The following UPF2 variants were observed in gnomAD, a reference collection of about 807,000 sequenced individuals.
The protein encoded by UPF2 is UPF2 regulator of nonsense mediated mRNA decay.
Under a neutral mutation model 141.4 loss-of-function variants are expected in UPF2, and 17 were observed. That is an observed-to-expected ratio of 0.12 (90% CI 0.08 to 0.18). UPF2 has a LOEUF of 0.18. Among genes scored for constraint, UPF2 ranks in the 10% least tolerant of loss-of-function variants. UPF2 has a pLI of 1.00. For synonymous variants in UPF2, 540 were observed against 498.0 expected (o/e 1.08, Z -1.12); for missense variants, 1,152 against 1,515.9 (o/e 0.76, Z 3.99).
intron 8 of UPF2, among the ~76,000 whole-genome samples, chr10:11,993,126 G>A (rs1306475315): frequency 7.2e-6 from 1 of 139,804 alleles, no homozygotes; most frequent in Admixed American, 7.8e-5. Flanking sequence ...CTCCAGCTTG[G>A]GTGACAGAGT....
At chr10:11,967,546 G>GTTTTTTTTT in intron 9 of UPF2, 92 bp from the exon 10 acceptor site, 6 of 242,716 alleles carry the variant, frequency 2.5e-5, no homozygotes, top group Non-Finnish European at 4.3e-5. Context: ...ATTCACTCCA[G>GTTTTTTTTT]TTTTTTTTTT....
chr10:11,956,349 C>T lies in UPF2; in HGVS notation c.2545G>A (p.Val849Met). 1.9e-6 allele frequency: 3 copies of T among 1,614,142 alleles called. No homozygotes were observed. The highest frequency in any genetic ancestry group is 2.5e-6 in the Non-Finnish European group (3 of 1,180,012). ...ATTCCTAATCGAATATCTTCTAACA[C>T]TCCATCCACAACGTGGATCCCAACA... ...EDVGIHVVDG[V>M]LEDIRLGMEV... is the part of the protein sequence containing the mutation. The change falls in exon 13 of 22, where the codon GTG becomes ATG. Residue 849 changes from valine (V) to methionine (M), a missense_variant. Val to Met is a conservative substitution (Grantham distance 21). Around this residue, in one of 4 missense-constraint regions of UPF2, gnomAD observed 739 missense variants for 1,032.2 expected, o/e 0.72. Coordinates refer to ENST00000357604, the MANE Select transcript of UPF2 (RefSeq NM_015542.4). This position sits in a 1 kb window ranked among gnomAD's most constrained non-coding sequence, Gnocchi z 4.2.
At chr10:11,982,864 C>T (rs1219349467) in intron 8 of UPF2, among the ~76,000 whole-genome samples, 1 of 151,652 alleles carries the variant, frequency 6.6e-6, no homozygotes, top group Non-Finnish European at 1.5e-5. Context: ...AGGCGATCCA[C>T]CCCCCTCAGC....
chr10:12,013,065 C>A (rs769472360), intron 4 of UPF2, among the ~76,000 whole-genome samples: 1 of 149,580 alleles, frequency 6.7e-6, no homozygotes, highest in African/African-American at 2.5e-5. Context: ...GCAGAGGCTG[C>A]AGTGAGCCGA....
At chr10:12,020,811 C>T (rs1834304451) in intron 3 of UPF2, among the ~76,000 whole-genome samples, 1 of 152,188 alleles carries the variant, frequency 6.6e-6, no homozygotes. Flanking sequence ...GCAGAATGTG[C>T]AAATGACAGT....
At chr10:12,025,135 T>G (rs1048643145) in intron 3 of UPF2, among the ~76,000 whole-genome samples, 3 of 152,124 alleles carry the variant, frequency 2.0e-5, no homozygotes, top group Non-Finnish European at 2.9e-5. Flanking sequence ...GCTGCTCAAG[T>G]TGAAGCTATC....
intron 2 of UPF2, among the ~76,000 whole-genome samples, chr10:12,031,298 T>C (rs1306514079): frequency 1.3e-5 from 2 of 152,034 alleles, no homozygotes; most frequent in East Asian, 1.9e-4. Flanking sequence ...TCAAGTGATT[T>C]AGAAAATTTG....
intron 3 of UPF2, among the ~76,000 whole-genome samples, chr10:12,023,864 T>C (rs1324937132): frequency 6.6e-6 from 1 of 151,480 alleles, no homozygotes; most frequent in Non-Finnish European, 1.5e-5. Context: ...TGGTGGCACG[T>C]GCCTATGGTC....
chr10:12,039,649 T>C (rs1362753202), intron 1 of UPF2, among the ~76,000 whole-genome samples: 1 of 146,148 alleles, frequency 6.8e-6, no homozygotes, highest in African/African-American at 2.6e-5. Context: ...TGAGATGGAG[T>C]CTCACTCTGT....
chr10:11,937,250 A>G (rs1056740877), intron 18 of UPF2, among the ~76,000 whole-genome samples: 2 of 152,252 alleles, frequency 1.3e-5, no homozygotes, highest in African/African-American at 4.8e-5. Flanking sequence ...TTTCCAACCA[A>G]TTAATTAAAT....
chr10:12,001,739 T>C lies in UPF2; in HGVS notation c.1591A>G (p.Thr531Ala), dbSNP rs1420578769. The change falls in exon 6 of 22, where the codon ACC (threonine) becomes GCC (alanine). Residue 531 changes from threonine (T) to alanine (A), a missense_variant. Thr to Ala is a moderately conservative substitution (Grantham distance 58). This residue lies in a region of UPF2 where 739 missense variants were observed against 1,032.2 expected (regional missense o/e 0.72). Transcript: ENST00000357604. ...TCATCTCCACCCTCTAATTCTAAGG[T>C]GTCATCATTAATTTCTAGATTCTCC... The part of the protein sequence containing the change: ...ELENLEINDD[T>A]LELEGGDEAE... 2 of 1,613,378 alleles carry C rather than the reference T, an allele frequency of 1.2e-6. No individual in the cohort carries two copies.
chr10:11,938,853 G>GTTTTTTTGTTTTTTTGTTTTTTT (rs1832890068), intron 18 of UPF2, among the ~76,000 whole-genome samples: 1 of 79,816 alleles, frequency 1.3e-5, no homozygotes, highest in African/African-American at 5.0e-5. Context: ...TTTTTTTTTT[G>GTTTTTTTGTTTTTTTGTTTTTTT]TTTTTTTTTT....
intron 18 of UPF2, among the ~76,000 whole-genome samples, chr10:11,937,807 A>G (rs1183706086): frequency 6.6e-6 from 1 of 152,160 alleles, no homozygotes; most frequent in Non-Finnish European, 1.5e-5. Context: ...ATCCTGTTTT[A>G]TTGTTTCTTT....
At chr10:11,973,773 T>G (rs1220439438) in intron 9 of UPF2, among the ~76,000 whole-genome samples, 1 of 152,192 alleles carries the variant, frequency 6.6e-6, no homozygotes, top group African/African-American at 2.4e-5. Context: ...TACCATGCTG[T>G]TTTGGTTACT....
chr10:11,933,861 G>C (rs1030518310), intron 19 of UPF2, among the ~76,000 whole-genome samples: 1 of 152,218 alleles, frequency 6.6e-6, no homozygotes, highest in Non-Finnish European at 1.5e-5. Flanking sequence ...TTCAAAAAGA[G>C]ATATTCCTAA....
In UPF2 at chr10:11,955,928, G is replaced by A. The variant is rs569804745; in HGVS notation, c.2574+392C>T. Among the ~76,000 whole-genome samples the A allele has an allele frequency of 9.9e-5, 15 of 152,208 alleles. No homozygotes were observed. The East Asian group carries it at 1.4e-3, about 14-fold the overall frequency. The stretch of plus-strand genomic sequence containing the variant: ...GAGGCCAAGACAGGTGATCACCTAC[G>A]GTCAGGAGTTTGAGACCAGCCTGGC... On this transcript the variant is annotated intron_variant, in intron 13 of 21. Transcript: ENST00000357604.
At chr10:11,981,658 CA>C (rs1222121374) in intron 8 of UPF2, among the ~76,000 whole-genome samples, 1 of 147,254 alleles carries the variant, frequency 6.8e-6, no homozygotes, top group Admixed American at 7.0e-5. Context: ...AAAGATATTA[CA>C]AAAATAAGGT....
chr10:11,986,217 C>T (rs1833689898), intron 8 of UPF2, among the ~76,000 whole-genome samples: 1 of 152,100 alleles, frequency 6.6e-6, no homozygotes, highest in Non-Finnish European at 1.5e-5. Flanking sequence ...ATTCTATAAT[C>T]TCATAAGATG....
intron 9 of UPF2, among the ~76,000 whole-genome samples, chr10:11,975,752 G>A (rs889900668): frequency 5.9e-5 from 9 of 151,448 alleles, no homozygotes; most frequent in East Asian, 1.9e-4. Context: ...CCCAACCTCC[G>A]GTAATCCACC....
Sources: gnomAD v4.1 joint callset for allele counts (sites outside exome capture counted in the v4.1 genomes callset) on GRCh38, gnomAD v4.1.1 for gene constraint, gnomAD v4.1.1 regional missense constraint, Gnocchi (gnomAD v3.1) non-coding constraint, MANE v1.5 for transcripts, NCBI Gene and HGNC (gene_info 2026-07-23, HGNC 2026-07-21) for gene names.